Variants in LRMDA observed in about 807,000 individuals in gnomAD.
The protein encoded by LRMDA is leucine-rich melanocyte differentiation-associated protein.
Under a neutral mutation model 29.8 loss-of-function variants are expected in LRMDA, and 18 were observed. The observed-to-expected ratio is 0.60, with a 90% CI of 0.42 to 0.90. LRMDA has a LOEUF of 0.90. LRMDA is among the 40% of genes least tolerant of loss of function. LRMDA has a pLI of 0.00. For synonymous variants in LRMDA, 125 were observed against 109.4 expected, an observed-to-expected ratio of 1.14 and a Z score of -0.89; for missense variants, 273 against 273.9, an observed-to-expected ratio of 1.00 and a Z score of 0.02.
At chr10:75,498,304 C>G (rs994980789) in intron 2 of LRMDA, among the ~76,000 whole-genome samples, 1 of 152,060 alleles carries the variant, frequency 6.6e-6, no homozygotes, top group Admixed American at 6.5e-5. Context: ...TTCTGTATGG[C>G]AGGAAAATGC....
At chr10:76,101,391 C>A (rs1849392052) in intron 5 of LRMDA, among the ~76,000 whole-genome samples, 2 of 152,270 alleles carry the variant, frequency 1.3e-5, no homozygotes, top group South Asian at 4.1e-4. Context: ...TCTAGTATGG[C>A]AGAATTTGCT....
At chr10:76,273,684 G>A (rs1192537722) in intron 5 of LRMDA, among the ~76,000 whole-genome samples, 1 of 152,174 alleles carries the variant, frequency 6.6e-6, no homozygotes, top group African/African-American at 2.4e-5. Flanking sequence ...TCTGAAATGG[G>A]GGATAGGGTT....
chr10:76,078,037 G>A (rs552698191), intron 5 of LRMDA, among the ~76,000 whole-genome samples: 56 of 97,010 alleles, frequency 5.8e-4, no homozygotes, highest in African/African-American at 2.0e-3. Context: ...TTGAGATGGA[G>A]TCTCGCTCTG....
intron 2 of LRMDA, among the ~76,000 whole-genome samples, chr10:75,784,785 A>T (rs1476165885): frequency 6.6e-6 from 1 of 152,192 alleles, no homozygotes; most frequent in African/African-American, 2.4e-5. Flanking sequence ...ACATATTTAG[A>T]TATAGAAATG....
chr10:76,004,096 G>A (rs1186255231), intron 2 of LRMDA, among the ~76,000 whole-genome samples: 1 of 152,178 alleles, frequency 6.6e-6, no homozygotes. Context: ...ATTCTTATCT[G>A]TATTAAGAAT....
rs1459442138 is a variant in LRMDA, at chr10:76,363,176, A to AGAAAGAAAGAAAGAG, written c.601+38692_601+38693insAAAGAAAGAAAGAGG. On this transcript the variant is annotated intron_variant, in intron 6 of 6. Transcript: ENST00000611255. ...AAGAAAGAAAGAAAGAAAGAAAGAA[A>AGAAAGAAAGAAAGAG]GGAGGGAGGGAGGGAGGGAGGGAGG... Among the ~76,000 whole-genome samples, 50 of 21,794 alleles carry AGAAAGAAAGAAAGAG rather than the reference A, an allele frequency of 2.3e-3. 4 individuals are homozygous for AGAAAGAAAGAAAGAG. Among genetic ancestry groups the AGAAAGAAAGAAAGAG allele is most frequent in the East Asian group, 6.6e-3 (11 of 1,658 alleles). The allele number at this position is 21,794 out of a possible 152,430, so 14.3% of individuals were successfully genotyped here. A position where few individuals can be genotyped will look rare whatever the true frequency, so the allele number is the denominator to read the frequency against.
chr10:75,957,522 T>C (rs923829179), intron 2 of LRMDA, among the ~76,000 whole-genome samples: 1 of 152,198 alleles, frequency 6.6e-6, no homozygotes, highest in Non-Finnish European at 1.5e-5. Flanking sequence ...AATCTTTTCA[T>C]TGTCACCAAC....
At chr10:75,965,843 C>T (rs1453803794) in intron 2 of LRMDA, among the ~76,000 whole-genome samples, 6 of 152,160 alleles carry the variant, frequency 3.9e-5, no homozygotes, top group Non-Finnish European at 8.8e-5. Flanking sequence ...CTATGGTGCC[C>T]AATCATCTGT....
intron 5 of LRMDA, among the ~76,000 whole-genome samples, chr10:76,312,229 A>G (rs1384715487): frequency 1.3e-5 from 2 of 152,232 alleles, no homozygotes; most frequent in African/African-American, 4.8e-5. Context: ...GTGTCTGCTT[A>G]TATCTCAGGA....
intron 2 of LRMDA, among the ~76,000 whole-genome samples, chr10:75,631,228 C>T (rs1841317787): frequency 6.6e-6 from 1 of 152,142 alleles, no homozygotes; most frequent in South Asian, 2.1e-4. Context: ...CCTCGTACTC[C>T]TCACCCTAAG....
intron 2 of LRMDA, among the ~76,000 whole-genome samples, chr10:75,958,441 T>G (rs956009898): frequency 6.6e-6 from 1 of 152,044 alleles, no homozygotes; most frequent in Non-Finnish European, 1.5e-5. Flanking sequence ...TTCACAAGAG[T>G]GAATTGATCA....
rs572396511 is a variant in LRMDA at position 75,485,566 on chromosome 10, T to TTG, written c.131+47086_131+47087dup. ...TGTGTGCCACCATGCCCAGCTAATTTTGTGTGTGTGTGTGTATATATATAT... is the reference window on the plus strand; with the variant it reads ...TGTGTGCCACCATGCCCAGCTAATTTTGTGTGTGTGTGTGTGTATATATATAT... On this transcript the variant is annotated intron_variant, in intron 2 of 6. Transcript: ENST00000611255. 6.0e-3 allele frequency among the ~76,000 whole-genome samples: 913 copies of TTG among 151,172 alleles called. 10 individuals carry two copies. The highest frequency in any genetic ancestry group is 0.021 in the African/African-American group (863 of 41,122).
At chr10:76,052,685 G>C (rs1257787050) in intron 4 of LRMDA, among the ~76,000 whole-genome samples, 1 of 152,242 alleles carries the variant, frequency 6.6e-6, no homozygotes. Flanking sequence ...GACCTGAAAA[G>C]CTCAATGTGC....
chr10:75,889,438 A>C, intron 2 of LRMDA, among the ~76,000 whole-genome samples: 1 of 152,168 alleles, frequency 6.6e-6, no homozygotes, highest in Admixed American at 6.5e-5. Context: ...AGATTATTAG[A>C]GTCTTAGGTT....
chr10:75,606,222 A>C (rs1345863647), intron 2 of LRMDA, among the ~76,000 whole-genome samples: 1 of 144,286 alleles, frequency 6.9e-6, no homozygotes, highest in East Asian at 1.9e-4. Context: ...CTTAAACCCA[A>C]CCAAACTGAG....
chr10:75,448,438 A>C (rs1196723666), intron 2 of LRMDA, among the ~76,000 whole-genome samples: 1 of 152,166 alleles, frequency 6.6e-6, no homozygotes, highest in African/African-American at 2.4e-5. Context: ...CCACATTGTC[A>C]GGGTGGCTGT....
chr10:76,140,935 T>A (rs1850186900), intron 5 of LRMDA, among the ~76,000 whole-genome samples: 3 of 152,080 alleles, frequency 2.0e-5, no homozygotes, highest in African/African-American at 7.2e-5. Flanking sequence ...CAAATTATTC[T>A]TTGAGTCCAA....
intron 6 of LRMDA, among the ~76,000 whole-genome samples, chr10:76,540,546 A>T (rs764870019): frequency 6.6e-6 from 1 of 152,198 alleles, no homozygotes; most frequent in Non-Finnish European, 1.5e-5. Context: ...TTTAAAATCC[A>T]ACCCACCCCA....
At chr10:75,842,644 T>A (rs1844561041) in intron 2 of LRMDA, among the ~76,000 whole-genome samples, 1 of 152,186 alleles carries the variant, frequency 6.6e-6, no homozygotes. Context: ...GAATGCTGTT[T>A]TATGAAGTTT....
Sources: gnomAD v4.1 joint callset for allele counts (sites outside exome capture counted in the v4.1 genomes callset) on GRCh38, gnomAD v4.1.1 for gene constraint, MANE v1.5 for transcripts, NCBI Gene and HGNC (gene_info 2026-07-23, HGNC 2026-07-21) for gene names.